Variants in MTHFD2L observed in about 807,000 individuals in gnomAD.
The protein encoded by MTHFD2L is methylenetetrahydrofolate dehydrogenase (NADP+ dependent) 2 like.
A neutral mutation model predicts 34.9 loss-of-function variants in MTHFD2L; 29 were observed. That is an observed-to-expected ratio of 0.83 (90% CI 0.62 to 1.13). MTHFD2L has a LOEUF of 1.13. Among genes scored for constraint, MTHFD2L ranks in the 50% most tolerant of loss-of-function variants. MTHFD2L has a pLI of 0.00. For synonymous variants in MTHFD2L, 167 were observed against 155.7 expected, an observed-to-expected ratio of 1.07 and a Z score of -0.54; for missense variants, 481 against 446.5, an observed-to-expected ratio of 1.08 and a Z score of -0.70.
chr4:74,281,165 T>A (rs1254353061), intron 6 of MTHFD2L, among the ~76,000 whole-genome samples: 1 of 152,106 alleles, frequency 6.6e-6, no homozygotes, highest in Non-Finnish European at 1.5e-5. Flanking sequence ...CAAGCAGGTA[T>A]CCCTGTGATG....
chr4:74,278,309 G>A (rs1746956320), intron 6 of MTHFD2L, among the ~76,000 whole-genome samples: 1 of 152,036 alleles, frequency 6.6e-6, no homozygotes, highest in South Asian at 2.1e-4. Flanking sequence ...TTTGTATTGA[G>A]TTTTTAATCA....
chr4:74,179,143 G>A (rs113869989), intron 3 of MTHFD2L, among the ~76,000 whole-genome samples: 13,307 of 152,066 alleles, frequency 0.088, 794 homozygotes, highest in Non-Finnish European at 0.13. Flanking sequence ...TTACCTGTTA[G>A]TAAATGGTAG....
At chr4:74,257,220 A>G (rs1051917570) in intron 6 of MTHFD2L, among the ~76,000 whole-genome samples, 2 of 152,076 alleles carry the variant, frequency 1.3e-5, no homozygotes, top group East Asian at 1.9e-4. Context: ...GTGCTTGGCT[A>G]TTGTAAATGG....
intron 1 of MTHFD2L, chr4:74,162,372 C>T (rs1725638537): frequency 6.6e-6 from 1 of 152,144 alleles, no homozygotes; most frequent in Non-Finnish European, 1.5e-5. Flanking sequence ...ACTGCATCAT[C>T]TGAACGCTAT....
chr4:74,143,547 C>A, intron 1 of MTHFD2L: 1 of 444,476 alleles, frequency 2.2e-6, no homozygotes, highest in South Asian at 9.6e-5. Flanking sequence ...CCCATGTCAG[C>A]CAAAGCAGCT....
intron 3 of MTHFD2L, among the ~76,000 whole-genome samples, chr4:74,176,787 G>A (rs542077536): frequency 6.6e-6 from 1 of 152,070 alleles, no homozygotes; most frequent in South Asian, 2.1e-4. Flanking sequence ...GAGGACTGCA[G>A]GTATAGTATA....
At chr4:74,145,884 G>A (rs1723563060) in intron 1 of MTHFD2L, among the ~76,000 whole-genome samples, 2 of 152,138 alleles carry the variant, frequency 1.3e-5, no homozygotes, top group South Asian at 2.1e-4. Flanking sequence ...TCCACCATAA[G>A]TAAATGCTCT....
chr4:74,125,260 C>A (rs1721990459), upstream of MTHFD2L, among the ~76,000 whole-genome samples: 1 of 152,138 alleles, frequency 6.6e-6, no homozygotes, highest in South Asian at 2.1e-4. Flanking sequence ...ACTGTGAAAG[C>A]TGCAATCAGT....
intron 6 of MTHFD2L, among the ~76,000 whole-genome samples, chr4:74,265,263 C>T (rs1430098586): frequency 6.6e-6 from 1 of 152,178 alleles, no homozygotes; most frequent in African/African-American, 2.4e-5. Flanking sequence ...GTCTGCAAGT[C>T]TGCCAGGGCT....
intron 6 of MTHFD2L, among the ~76,000 whole-genome samples, chr4:74,245,374 TA>T (rs1280318333): frequency 2.6e-5 from 4 of 151,986 alleles, no homozygotes; most frequent in African/African-American, 4.8e-5. Flanking sequence ...TTTTTCAAAA[TA>T]AACATTTAAT....
At chr4:74,252,005 G>A (rs1743377442) in intron 6 of MTHFD2L, among the ~76,000 whole-genome samples, 1 of 152,142 alleles carries the variant, frequency 6.6e-6, no homozygotes, top group African/African-American at 2.4e-5. Flanking sequence ...GGACCCAGGT[G>A]AATGCTTGGA....
chr4:74,242,532 A>G (rs1741872842), intron 6 of MTHFD2L, among the ~76,000 whole-genome samples: 1 of 152,194 alleles, frequency 6.6e-6, no homozygotes, highest in Non-Finnish European at 1.5e-5. Context: ...TATAGATGCA[A>G]AAAGTTGAGG....
At chr4:74,283,444 A>T (rs1747750079) in intron 7 of MTHFD2L, among the ~76,000 whole-genome samples, 1 of 152,122 alleles carries the variant, frequency 6.6e-6, no homozygotes, top group African/African-American at 2.4e-5. Context: ...GTATCTAAGT[A>T]TATATAAAAA....
intron 5 of MTHFD2L, among the ~76,000 whole-genome samples, chr4:74,202,949 C>G (rs1001618640): frequency 2.6e-5 from 4 of 152,038 alleles, no homozygotes; most frequent in Admixed American, 2.0e-4. Flanking sequence ...ATTCGAGTTT[C>G]CTGATCTCAA....
Position 74,237,367 on chromosome 4 carries a change from G to A in MTHFD2L, c.805+11973G>A, listed in dbSNP as rs1168346889. Among the ~76,000 whole-genome samples, 9 of 152,060 alleles carry A rather than the reference G, an allele frequency of 5.9e-5. No homozygotes were observed. The East Asian group carries it at 1.3e-3, about 23-fold the overall frequency. On this transcript the variant is annotated intron_variant, in intron 6 of 7. Coordinates refer to ENST00000325278, the MANE Select transcript of MTHFD2L (RefSeq NM_001144978.3). ...TTCTTTAGAAGTCAAGTGCTTAACCGGTTAGGCACGGTGGCTCAAGCCTAT... is the reference window on the plus strand; with the variant it reads ...TTCTTTAGAAGTCAAGTGCTTAACCAGTTAGGCACGGTGGCTCAAGCCTAT...
upstream of MTHFD2L, among the ~76,000 whole-genome samples, chr4:74,122,344 A>C (rs2109777406): frequency 6.6e-6 from 1 of 152,316 alleles, no homozygotes. Context: ...GCACATCTTC[A>C]CATGGTGACA....
chr4:74,209,247 G>GT (rs1354370275), intron 5 of MTHFD2L, among the ~76,000 whole-genome samples: 1 of 152,104 alleles, frequency 6.6e-6, no homozygotes, highest in Non-Finnish European at 1.5e-5. Context: ...GAACGTGCAG[G>GT]TTTGTTACAT....
intron 1 of MTHFD2L, among the ~76,000 whole-genome samples, chr4:74,145,781 A>C (rs1316097571): frequency 1.3e-5 from 2 of 152,138 alleles, no homozygotes; most frequent in Non-Finnish European, 2.9e-5. Context: ...CACTTAGTAC[A>C]GTATAGTGAG....
intron 3 of MTHFD2L, chr4:74,180,885 A>G (rs1730024266): frequency 5.2e-6 from 1 of 193,964 alleles, no homozygotes; most frequent in African/African-American, 2.3e-5. Flanking sequence ...GGGGTCTGTT[A>G]TTTATGTTAT....
Sources: gnomAD v4.1 joint callset for allele counts (sites outside exome capture counted in the v4.1 genomes callset) on GRCh38, gnomAD v4.1.1 for gene constraint, MANE v1.5 for transcripts, NCBI Gene and HGNC (gene_info 2026-07-23, HGNC 2026-07-21) for gene names.